Variants in SLC24A3 observed in about 807,000 individuals in gnomAD.
SLC24A3 encodes the protein sodium/potassium/calcium exchanger 3.
SLC24A3 carries 28 observed loss-of-function variants against 75.8 expected under a neutral mutation model. That is an observed-to-expected ratio of 0.37 (90% CI 0.27 to 0.51). The LOEUF is 0.51. Among genes scored for constraint, SLC24A3 ranks in the 20% least tolerant of loss-of-function variants. SLC24A3 has a pLI of 0.94. For synonymous variants in SLC24A3, 372 were observed against 334.1 expected (o/e 1.11, Z -1.24); for missense variants, 663 against 847.8 (o/e 0.78, Z 2.71).
intron 2 of SLC24A3, among the ~76,000 whole-genome samples, chr20:19,386,248 A>AT (rs1451262462): frequency 2.0e-5 from 3 of 152,174 alleles, no homozygotes; most frequent in South Asian, 4.2e-4. Context: ...GAAACTGCTG[A>AT]TTTTTTGTAT....
intron 2 of SLC24A3, among the ~76,000 whole-genome samples, chr20:19,486,188 A>G (rs6046137): frequency 0.25 from 37,525 of 152,132 alleles, 5,109 homozygotes; most frequent in East Asian, 0.5. Flanking sequence ...CTTCTAGTCC[A>G]TGGTACTAAG....
chr20:19,378,275 C>G, intron 2 of SLC24A3, among the ~76,000 whole-genome samples: 1 of 150,814 alleles, frequency 6.6e-6, no homozygotes, highest in Non-Finnish European at 1.5e-5. Flanking sequence ...GCTTGGCCTA[C>G]GTAGAGGTTT....
intron 1 of SLC24A3, among the ~76,000 whole-genome samples, chr20:19,243,410 G>A (rs1294461639): frequency 3.3e-5 from 5 of 152,176 alleles, no homozygotes; most frequent in East Asian, 1.9e-4. Flanking sequence ...AAATAACTGC[G>A]AATTTCTTCA....
At position 19,411,519 on chromosome 20, in the gene SLC24A3, A is replaced by T. The variant is rs549037654; in HGVS notation, c.272-103969A>T. ...TCTAGGACCTGGATCTTTTAAGTGC[A>T]TCCAGCAGCAAGAAGGAAGTTGAAT... On this transcript the variant is annotated intron_variant, in intron 2 of 16. Transcript: ENST00000328041. Among the ~76,000 whole-genome samples, 4 of 152,302 alleles carry T rather than the reference A, an allele frequency of 2.6e-5. No individual in the cohort carries two copies. The South Asian group carries it at 8.3e-4, about 32-fold the overall frequency.
intron 6 of SLC24A3, among the ~76,000 whole-genome samples, chr20:19,606,617 A>G (rs975904876): frequency 6.6e-6 from 1 of 152,230 alleles, no homozygotes; most frequent in East Asian, 1.9e-4. Flanking sequence ...AAATATAAAT[A>G]GGAAGCATTT....
At position 19,212,875 on chromosome 20, in the gene SLC24A3, TCGCCGCCGC is replaced by T. The variant is rs761595384; in HGVS notation, c.48_56del (p.Arg18_Arg20del). 24 of 1,254,554 alleles carry T rather than the reference TCGCCGCCGC, an allele frequency of 1.9e-5. No individual in the cohort carries two copies. Among genetic ancestry groups the T allele is most frequent in the African/African-American group, 1.1e-4 (7 of 61,996 alleles). The allele number at this position is 1,254,554 out of a possible 1,614,324, so 77.7% of individuals were successfully genotyped here. A position where few individuals can be genotyped will look rare whatever the true frequency, so the allele number is the denominator to read the frequency against. On this transcript the variant is annotated inframe_deletion, in exon 1 of 17. Transcript: ENST00000328041. Reference sequence around the variant, plus strand: ...CGTCCGGCGACGAGGACCGCGCGCGTCGCCGCCGCCGCCGCCGCCGCCGGAGGGACCTTC... The same window carrying T: ...CGTCCGGCGACGAGGACCGCGCGCGTCGCCGCCGCCGCCGGAGGGACCTTC...
At chr20:19,629,051 C>T (rs895829249) in intron 6 of SLC24A3, among the ~76,000 whole-genome samples, 6 of 151,790 alleles carry the variant, frequency 4.0e-5, no homozygotes, top group African/African-American at 1.5e-4. Context: ...CAGTAACTGA[C>T]CCAAAAGAAA....
At chr20:19,451,581 G>C (rs567233829) in intron 2 of SLC24A3, among the ~76,000 whole-genome samples, 2 of 152,336 alleles carry the variant, frequency 1.3e-5, no homozygotes, top group East Asian at 3.9e-4. Context: ...TTTTGCAAGA[G>C]TGAATGAATG....
intron 3 of SLC24A3, among the ~76,000 whole-genome samples, chr20:19,520,279 G>A (rs897921606): frequency 1.3e-5 from 2 of 152,106 alleles, no homozygotes; most frequent in African/African-American, 4.8e-5. Flanking sequence ...CCCTAGGCAC[G>A]CCCTGAGATG....
At chr20:19,516,024 T>G (rs900162801) in intron 3 of SLC24A3, among the ~76,000 whole-genome samples, 3 of 152,216 alleles carry the variant, frequency 2.0e-5, no homozygotes, top group Non-Finnish European at 4.4e-5. Flanking sequence ...GGGACTTGGT[T>G]TTGTACACGG....
At chr20:19,706,262 A>G (rs1241867081) in intron 15 of SLC24A3, among the ~76,000 whole-genome samples, 1 of 152,174 alleles carries the variant, frequency 6.6e-6, no homozygotes, top group African/African-American at 2.4e-5. Flanking sequence ...ACCACTGGAG[A>G]TGGTGCAGTA....
intron 2 of SLC24A3, among the ~76,000 whole-genome samples, chr20:19,303,558 CT>C (rs1984249397): frequency 6.6e-6 from 1 of 152,160 alleles, no homozygotes; most frequent in Non-Finnish European, 1.5e-5. Context: ...AATGGTATTT[CT>C]GTTAATTTCT....
At chr20:19,524,292 C>T (rs2030157132) in intron 3 of SLC24A3, among the ~76,000 whole-genome samples, 1 of 152,162 alleles carries the variant, frequency 6.6e-6, no homozygotes, top group Non-Finnish European at 1.5e-5. Flanking sequence ...TATTATTATG[C>T]AAAACCCACA....
At chr20:19,716,307 T>G (rs1161106148) in intron 15 of SLC24A3, among the ~76,000 whole-genome samples, 8 of 152,066 alleles carry the variant, frequency 5.3e-5, no homozygotes, top group African/African-American at 1.9e-4. Context: ...ATTTGGCCTT[T>G]GTCAGCCAAG....
At chr20:19,503,120 C>T (rs1988411790) in intron 2 of SLC24A3, among the ~76,000 whole-genome samples, 1 of 151,842 alleles carries the variant, frequency 6.6e-6, no homozygotes, top group African/African-American at 2.4e-5. Flanking sequence ...GACAGGTCTT[C>T]TGCCATCTAC....
intron 3 of SLC24A3, among the ~76,000 whole-genome samples, chr20:19,538,097 A>G (rs1007372014): frequency 3.9e-5 from 6 of 152,242 alleles, no homozygotes; most frequent in Non-Finnish European, 5.9e-5. Flanking sequence ...TGTCCAAGAT[A>G]CAGTACATGT....
At chr20:19,301,053 G>T (rs1568583310) in intron 2 of SLC24A3, among the ~76,000 whole-genome samples, 1 of 152,160 alleles carries the variant, frequency 6.6e-6, no homozygotes, top group Non-Finnish European at 1.5e-5. Context: ...GGAAGTAGTT[G>T]CAGGGTGCAT....
rs527594872 is a variant in SLC24A3 at position 19,681,680 on chromosome 20, A to G, written c.768-178A>G. Reference sequence around the variant, plus strand: ...TTACCATTTGTTCATAAATTGGGAAATGGGACAGGCTTGTATATTCTGAGG... The same window carrying G: ...TTACCATTTGTTCATAAATTGGGAAGTGGGACAGGCTTGTATATTCTGAGG... On this transcript the variant is annotated intron_variant, in intron 9 of 16. Coordinates refer to ENST00000328041, the MANE Select transcript of SLC24A3 (RefSeq NM_020689.4). 5.9e-5 allele frequency among the ~76,000 whole-genome samples: 9 copies of G among 152,274 alleles called. No homozygotes were observed. In the South Asian group the frequency reaches 1.9e-3, roughly 32 times the overall value.
At chr20:19,216,177 G>T (rs1451212509) in intron 1 of SLC24A3, among the ~76,000 whole-genome samples, 1 of 152,150 alleles carries the variant, frequency 6.6e-6, no homozygotes, top group African/African-American at 2.4e-5. Context: ...ATTAAAATAA[G>T]GTGTTAGATT....
Sources: allele counts gnomAD v4.1 joint callset (sites outside exome capture counted in the v4.1 genomes callset), GRCh38; gene constraint gnomAD v4.1.1; transcripts MANE v1.5; gene names NCBI Gene and HGNC (gene_info 2026-07-23, HGNC 2026-07-21).